The following SNTN variants were observed in gnomAD, a reference collection of about 807,000 sequenced individuals.
SNTN encodes the protein sentan.
In SNTN, 13 loss-of-function variants were observed where a neutral mutation model predicts 12.3. That is an observed-to-expected ratio of 1.05 (90% CI 0.69 to 1.67). The LOEUF is 1.67. Among genes scored for constraint, SNTN ranks in the 40% most tolerant of loss-of-function variants. SNTN has a pLI of 0.00. For synonymous variants in SNTN, 69 were observed against 58.5 expected, an observed-to-expected ratio of 1.18 and a Z score of -0.82; for missense variants, 189 against 169.8, an observed-to-expected ratio of 1.11 and a Z score of -0.63.
In SNTN at chr3:63,663,969, C is replaced by G; in HGVS notation, c.318C>G (p.Ile106Met). The G allele has an allele frequency of 6.2e-7, 1 of 1,613,178 alleles. No individual in the cohort carries two copies. Among genetic ancestry groups the G allele is most frequent in the Non-Finnish European group, 8.5e-7 (1 of 1,179,772 alleles). ...GQETKPKYRE[I>M]LSELDEHTEN... ...AAACCAAGCCAAAATACAGAGAGAT[C>G]CTTTCTGAACTTGATGAGCACACAG... is the stretch of plus-strand genomic sequence containing the variant. Residue 106 changes from isoleucine to methionine, a missense_variant, in exon 4 of 4, where the codon ATC becomes ATG. By Grantham distance (10) the Ile-to-Met change is conservative. Coordinates refer to ENST00000343837, the MANE Select transcript of SNTN (RefSeq NM_001080537.2).
chr3:63,654,858 T>C (rs1246723200), intron 2 of SNTN, 62 bp downstream of exon 2: 36 of 1,391,434 alleles, frequency 2.6e-5, no homozygotes, highest in Non-Finnish European at 3.3e-5. Context: ...TGCCAAGTGT[T>C]AAAAAAAAAT....
At chr3:63,659,047 G>A (rs1700713855) in intron 2 of SNTN, among the ~76,000 whole-genome samples, 1 of 152,078 alleles carries the variant, frequency 6.6e-6, no homozygotes, top group African/African-American at 2.4e-5. Flanking sequence ...TCTACACTAG[G>A]GGATGTATTG....
intron 3 of SNTN, among the ~76,000 whole-genome samples, chr3:63,662,291 G>A (rs116911231): frequency 1.3e-4 from 20 of 152,286 alleles, no homozygotes; most frequent in Non-Finnish European, 2.2e-4. Flanking sequence ...CCCATGTTGC[G>A]TCCCCTGATA....
chr3:63,652,984 G>C (rs572382124), intron 1 of SNTN, among the ~76,000 whole-genome samples, 187 bp downstream of exon 1: 11 of 152,322 alleles, frequency 7.2e-5, no homozygotes, highest in African/African-American at 2.4e-4. Context: ...ACTGCAAAGT[G>C]AAAAGATGGT....
intron 2 of SNTN, among the ~76,000 whole-genome samples, chr3:63,656,474 G>A (rs1700680510): frequency 6.6e-6 from 1 of 152,016 alleles, no homozygotes; most frequent in Non-Finnish European, 1.5e-5. Context: ...AGACTTAGGA[G>A]ACTTAGTAGG....
At chr3:63,655,938 G>A (rs1429734670) in intron 2 of SNTN, among the ~76,000 whole-genome samples, 2 of 152,112 alleles carry the variant, frequency 1.3e-5, no homozygotes, top group Middle Eastern at 3.2e-3. Flanking sequence ...CTAACACCCA[G>A]GGTATTTTTG....
At chr3:63,658,099 C>T (rs570765299) in intron 2 of SNTN, among the ~76,000 whole-genome samples, 1 of 152,208 alleles carries the variant, frequency 6.6e-6, no homozygotes, top group East Asian at 1.9e-4. Flanking sequence ...CCCTTCCAGC[C>T]CCTAGACTCT....
chr3:63,659,447 C>A (rs572502351), intron 2 of SNTN, among the ~76,000 whole-genome samples: 77 of 152,180 alleles, frequency 5.1e-4, no homozygotes, highest in African/African-American at 1.8e-3. Flanking sequence ...ATCAGAAAAC[C>A]AAAGCTTAGA....
intron 2 of SNTN, among the ~76,000 whole-genome samples, chr3:63,656,152 G>A (rs1321797181): frequency 6.6e-6 from 1 of 152,174 alleles, no homozygotes; most frequent in East Asian, 1.9e-4. Flanking sequence ...TCTGTATTGA[G>A]ACTGGTATTT....
At position 63,664,359 on chromosome 3, in the gene SNTN, C is replaced by T. The variant is rs577462332; in HGVS notation, c.*264C>T. ...TAAATGGCTTTTGCTGAGTCAGTAG[C>T]GACCTAGAGCACTCTACTTATAGTC... On this transcript the variant is annotated 3_prime_UTR_variant, in exon 4 of 4. Coordinates refer to ENST00000343837, the MANE Select transcript of SNTN (RefSeq NM_001080537.2). The T allele has an allele frequency of 1.1e-4, 35 of 319,112 alleles. No homozygotes were observed. The South Asian group carries it at 1.2e-3, about 11-fold the overall frequency. 19.8% of individuals were successfully genotyped at this position (319,112 alleles called of 1,614,324 possible).
At chr3:63,659,941 C>T in intron 3 of SNTN, 77 bp downstream of exon 3, 7 of 1,544,168 alleles carry the variant, frequency 4.5e-6, no homozygotes, top group Non-Finnish European at 6.2e-6. Context: ...ACTCCAGCTC[C>T]AGGTCCCTGT....
intron 2 of SNTN, among the ~76,000 whole-genome samples, chr3:63,656,680 C>G (rs1269645797): frequency 2.0e-5 from 3 of 151,972 alleles, no homozygotes; most frequent in Non-Finnish European, 4.4e-5. Context: ...GGTGGGGGTA[C>G]AGCACTGATG....
At position 63,659,874 on chromosome 3, in the gene SNTN, T is replaced by C; in HGVS notation, c.285+10T>C. The C allele has an allele frequency of 6.2e-7, 1 of 1,613,640 alleles. No individual in the cohort carries two copies. Among genetic ancestry groups the C allele is most frequent in the Non-Finnish European group, 8.5e-7 (1 of 1,179,810 alleles). The stretch of plus-strand genomic sequence containing the variant: ...TAGGAATTTCGCAGAGGTGAGAGAA[T>C]TAACTTGCATAAAGAAACAGAAACT... On this transcript the variant is annotated intron_variant, in intron 3 of 3. Transcript: ENST00000343837.
Position 63,664,111 on chromosome 3 carries a change from C to T in SNTN, c.*16C>T, listed in dbSNP as rs774202882. 14 of 1,579,028 alleles carry T rather than the reference C, an allele frequency of 8.9e-6. No homozygotes were observed. The highest frequency in any genetic ancestry group is 1.1e-5 in the Non-Finnish European group (13 of 1,161,088). On this transcript the variant is annotated 3_prime_UTR_variant, in exon 4 of 4. Coordinates refer to ENST00000343837, the MANE Select transcript of SNTN (RefSeq NM_001080537.2). ...TATGAAATGAACAGTTTTAAATATG[C>T]TGTATAAAATAATGGCAAAAGACAG... is the stretch of plus-strand genomic sequence containing the variant.
At chr3:63,661,440 C>T (rs575446229) in intron 3 of SNTN, among the ~76,000 whole-genome samples, 144 of 152,194 alleles carry the variant, frequency 9.5e-4, no homozygotes, top group African/African-American at 3.2e-3. Context: ...AAGATGTCAC[C>T]CACTGGGGGG....
intron 2 of SNTN, among the ~76,000 whole-genome samples, chr3:63,659,473 TC>T (rs915631447): frequency 2.0e-5 from 3 of 152,038 alleles, no homozygotes; most frequent in Non-Finnish European, 4.4e-5. Context: ...GAGAGACTTT[TC>T]TAAGGTCACA....
chr3:63,654,616 T>G, intron 1 of SNTN, 146 bp from the exon 2 acceptor site: 3 of 670,906 alleles, frequency 4.5e-6, no homozygotes, highest in Non-Finnish European at 7.3e-6. Context: ...AAAAGGATTT[T>G]GAAACACAGA....
intron 3 of SNTN, among the ~76,000 whole-genome samples, chr3:63,661,889 T>A (rs912598590): frequency 6.6e-6 from 1 of 152,150 alleles, no homozygotes; most frequent in African/African-American, 2.4e-5. Context: ...AATGAAGAAC[T>A]AATGGATGCA....
intron 2 of SNTN, among the ~76,000 whole-genome samples, chr3:63,656,693 G>A (rs1700683068): frequency 1.3e-5 from 2 of 152,120 alleles, no homozygotes; most frequent in Admixed American, 1.3e-4. Context: ...CACTGATGTA[G>A]AAGATAATAT....
Sources: gnomAD v4.1 joint callset for allele counts (sites outside exome capture counted in the v4.1 genomes callset) on GRCh38, gnomAD v4.1.1 for gene constraint, MANE v1.5 for transcripts, NCBI Gene and HGNC (gene_info 2026-07-23, HGNC 2026-07-21) for gene names.